The following ACSS3 variants were observed in gnomAD, a reference collection of about 807,000 sequenced individuals.
ACSS3 encodes acyl-CoA synthetase short chain family member 3.
A neutral mutation model predicts 84.2 loss-of-function variants in ACSS3; 64 were observed. The ratio of observed to expected loss-of-function variants is 0.76; its 90% CI spans 0.62 to 0.94. The LOEUF is 0.94. ACSS3 is among the 40% of genes least tolerant of loss of function. The pLI is 0.00. For synonymous variants in ACSS3, 317 were observed against 310.1 expected (o/e 1.02, Z -0.23); for missense variants, 815 against 867.6 (o/e 0.94, Z 0.76).
chr12:81,230,589 A>G (rs1565733720), intron 11 of ACSS3, among the ~76,000 whole-genome samples: 1 of 151,914 alleles, frequency 6.6e-6, no homozygotes, highest in East Asian at 1.9e-4. Context: ...AGGCATATTG[A>G]TTATGAAATA....
In ACSS3 at chr12:81,172,578, G is replaced by A. The variant is rs372470461; in HGVS notation, c.1099-2210G>A. Among the ~76,000 whole-genome samples, 11 of 152,186 alleles carry A rather than the reference G, an allele frequency of 7.2e-5. No homozygotes were observed. In the East Asian group the frequency reaches 1.5e-3, roughly 21 times the overall value. ...TTCAACCCAGGAGGTCGAGGTTGTA[G>A]TAAGCCAAGATTGCACCACTGCACT... On this transcript the variant is annotated intron_variant, in intron 7 of 15. Coordinates refer to ENST00000548058, the MANE Select transcript of ACSS3 (RefSeq NM_024560.4).
At position 81,143,159 on chromosome 12, in the gene ACSS3, C is replaced by A. The variant is rs762644096; in HGVS notation, c.833C>A (p.Ala278Glu). The A allele has an allele frequency of 1.2e-6, 2 of 1,613,732 alleles. No homozygotes were observed. Among genetic ancestry groups the A allele is most frequent in the South Asian group, 2.2e-5 (2 of 91,022 alleles). The change falls in exon 5 of 16, where the codon GCA (alanine) becomes GAA (glutamate). Residue 278 changes from alanine to glutamate, a missense_variant. By Grantham distance (107) the Ala-to-Glu change is moderately radical. Transcript: ENST00000548058. The stretch of plus-strand genomic sequence containing the variant: ...GACCTTGATTGGGATGAAGAGATGG[C>A]AAAAGCCCAGTCACATGACTGTGTT... ...GRDLDWDEEM[A>E]KAQSHDCVPV...
At chr12:81,209,228 A>C (rs967619366) in intron 9 of ACSS3, among the ~76,000 whole-genome samples, 6 of 152,078 alleles carry the variant, frequency 3.9e-5, no homozygotes, top group African/African-American at 1.4e-4. Context: ...GGTCCTGCTG[A>C]TACAAATGAC....
chr12:81,112,984 T>C (rs573242707), intron 2 of ACSS3, among the ~76,000 whole-genome samples: 41 of 152,262 alleles, frequency 2.7e-4, no homozygotes, highest in African/African-American at 9.6e-4. Context: ...TCTGAAAATA[T>C]TTTAAATAAC....
At chr12:81,249,455 C>A (rs547248357) in intron 13 of ACSS3, among the ~76,000 whole-genome samples, 5 of 152,152 alleles carry the variant, frequency 3.3e-5, no homozygotes, top group African/African-American at 9.6e-5. Context: ...CTACTCAGGA[C>A]ACGGTTCACA....
At chr12:81,102,726 A>T (rs1315307473) in intron 1 of ACSS3, among the ~76,000 whole-genome samples, 1 of 151,802 alleles carries the variant, frequency 6.6e-6, no homozygotes, top group Non-Finnish European at 1.5e-5. Context: ...CTACTCAGGA[A>T]GCTGAGGCAG....
chr12:81,254,413 A>C (rs554493316), intron 15 of ACSS3, among the ~76,000 whole-genome samples: 195 of 152,294 alleles, frequency 1.3e-3, no homozygotes, highest in Admixed American at 4.0e-3. Context: ...ATAAATGCTA[A>C]TTTTGTAATT....
At chr12:81,235,337 T>C (rs2033598720) in intron 13 of ACSS3, among the ~76,000 whole-genome samples, 1 of 151,306 alleles carries the variant, frequency 6.6e-6, no homozygotes, top group African/African-American at 2.4e-5. Context: ...TAGATCAATA[T>C]AATTGATCTA....
chr12:81,200,887 G>GT, intron 9 of ACSS3, among the ~76,000 whole-genome samples: 1 of 112,864 alleles, frequency 8.9e-6, no homozygotes, highest in African/African-American at 3.5e-5. Context: ...GAGCAAGACT[G>GT]TCAAAAAAAA....
chr12:81,079,199 A>G (rs1031395872), intron 1 of ACSS3, among the ~76,000 whole-genome samples: 11 of 152,350 alleles, frequency 7.2e-5, no homozygotes, highest in African/African-American at 9.6e-5. Flanking sequence ...TTGGAATTAT[A>G]AGAAGTTATA....
intron 2 of ACSS3, among the ~76,000 whole-genome samples, chr12:81,121,259 G>A (rs190090586): frequency 1.3e-5 from 2 of 152,278 alleles, no homozygotes; most frequent in African/African-American, 2.4e-5. Context: ...CATGTTTTAT[G>A]TACTGCCGGT....
chr12:81,187,682 A>C (rs143687491), intron 8 of ACSS3, among the ~76,000 whole-genome samples: 37 of 152,116 alleles, frequency 2.4e-4, no homozygotes, highest in Middle Eastern at 3.4e-3. Context: ...ATTATAGTTT[A>C]TACAAGTTAA....
intron 8 of ACSS3, among the ~76,000 whole-genome samples, chr12:81,185,577 C>A (rs549541137): frequency 1.3e-5 from 2 of 151,462 alleles, no homozygotes; most frequent in South Asian, 4.2e-4. Context: ...AAGAAAAACC[C>A]CACATACAAT....
intron 7 of ACSS3, 182 bp from the exon 8 acceptor site, chr12:81,174,606 T>C: frequency 1.9e-6 from 1 of 539,514 alleles, no homozygotes; most frequent in Non-Finnish European, 3.0e-6. Flanking sequence ...GAGCAAACAG[T>C]CTCTGTTATG....
intron 13 of ACSS3, among the ~76,000 whole-genome samples, chr12:81,244,245 A>G (rs1004835384): frequency 4.0e-5 from 6 of 151,756 alleles, no homozygotes; most frequent in African/African-American, 1.5e-4. Flanking sequence ...TTGCTTCTCT[A>G]TAGGTAAGGT....
chr12:81,122,472 T>C (rs1334852402), intron 2 of ACSS3, among the ~76,000 whole-genome samples: 1 of 152,168 alleles, frequency 6.6e-6, no homozygotes, highest in East Asian at 1.9e-4. Context: ...GTGACAATTT[T>C]AAAGTAACAA....
chr12:81,131,157 T>C (rs1277171099), intron 2 of ACSS3, among the ~76,000 whole-genome samples: 12 of 152,230 alleles, frequency 7.9e-5, no homozygotes, highest in African/African-American at 2.2e-4. Context: ...TTTCTGATTC[T>C]GTGAAGAGAG....
At chr12:81,187,847 G>A (rs984456816) in intron 8 of ACSS3, among the ~76,000 whole-genome samples, 2 of 151,798 alleles carry the variant, frequency 1.3e-5, no homozygotes, top group African/African-American at 4.8e-5. Context: ...GCAGAGAAAT[G>A]GTTGCTATCT....
Position 81,180,705 on chromosome 12 carries a change from A to G in ACSS3, c.1250+5766A>G, listed in dbSNP as rs553093777. Among the ~76,000 whole-genome samples, 6 of 152,176 alleles carry G rather than the reference A, an allele frequency of 3.9e-5. No homozygotes were observed. The East Asian group carries it at 1.2e-3, about 29-fold the overall frequency. The stretch of plus-strand genomic sequence containing the variant: ...TAATTTTTGTATTATTAGCAGAGAC[A>G]GGGTTTCACTATGTTGGCCAGGCTG... On this transcript the variant is annotated intron_variant, in intron 8 of 15. Transcript: ENST00000548058.
Sources: gnomAD v4.1 joint callset for allele counts (sites outside exome capture counted in the v4.1 genomes callset) on GRCh38, gnomAD v4.1.1 for gene constraint, MANE v1.5 for transcripts, NCBI Gene and HGNC (gene_info 2026-07-23, HGNC 2026-07-21) for gene names.